SLC30A5: variants seen among roughly 807,000 people sequenced by gnomAD.
The protein encoded by SLC30A5 is solute carrier family 30 member 5, also known as proton-coupled zinc antiporter SLC30A5.
A neutral mutation model predicts 79.6 loss-of-function variants in SLC30A5; 33 were observed. The observed-to-expected ratio is 0.41, with a 90% CI of 0.31 to 0.55. The LOEUF is 0.55. Ranked by LOEUF, SLC30A5 falls within the 20% of genes least tolerant of loss-of-function variation. The pLI is 0.20. For synonymous variants in SLC30A5, 299 were observed against 319.7 expected (o/e 0.94, Z 0.69); for missense variants, 788 against 928.1 (o/e 0.85, Z 1.96).
In SLC30A5 at chr5:69,117,397, G is replaced by A. The variant is rs1746400819; in HGVS notation, c.1439+1G>A. On this transcript the variant is annotated splice_donor_variant, in intron 11 of 15. Coordinates refer to ENST00000396591, the MANE Select transcript of SLC30A5 (RefSeq NM_022902.5). LOFTEE classifies it high-confidence loss of function. ...AAGCCACTCGGATTTTCTCCTATGG[G>A]TAGGTACATTGACTGTCGAGGTGGT... 6.2e-7 allele frequency: 1 copy of A among 1,613,682 alleles called. No homozygotes were observed.
chr5:69,128,248 C>CCCT, intron 15 of SLC30A5, 116 bp downstream of exon 15: 1 of 463,266 alleles, frequency 2.2e-6, no homozygotes, highest in East Asian at 6.0e-5. Context: ...AATCTTCCAA[C>CCCT]TCTTTTTTTT....
At position 69,117,223 on chromosome 5, in the gene SLC30A5, T is replaced by C; in HGVS notation, c.1282-16T>C. On this transcript the variant is annotated splice_polypyrimidine_tract_variant and intron_variant, in intron 10 of 15. Transcript: ENST00000396591. ...GCCCAACATACTCCTCCCTTTTTTTTTGGTGACATTTTTAGCTTTTTACCT... is the reference window on the plus strand; with the variant it reads ...GCCCAACATACTCCTCCCTTTTTTTCTGGTGACATTTTTAGCTTTTTACCT... 3 of 1,607,374 alleles carry C rather than the reference T, an allele frequency of 1.9e-6. No individual in the cohort carries two copies. Among genetic ancestry groups the C allele is most frequent in the Non-Finnish European group, 2.6e-6 (3 of 1,175,306 alleles).
chr5:69,114,550 C>A, intron 7 of SLC30A5, 54 bp downstream of exon 7: 1 of 1,061,908 alleles, frequency 9.4e-7, no homozygotes, highest in Non-Finnish European at 1.5e-6. Context: ...GTTGTAGCAA[C>A]TATAACTATA....
intron 7 of SLC30A5, 29 bp from the exon 8 acceptor site, chr5:69,115,208 T>C: frequency 6.7e-7 from 1 of 1,502,062 alleles, no homozygotes; most frequent in South Asian, 1.1e-5. Flanking sequence ...TGTGTGTTTC[T>C]AATGAGACTT....
chr5:69,110,027 G>A (rs1192869686), intron 5 of SLC30A5, among the ~76,000 whole-genome samples: 1 of 152,178 alleles, frequency 6.6e-6, no homozygotes, highest in Non-Finnish European at 1.5e-5. Flanking sequence ...AAATAACATT[G>A]CTGACCCCCT....
chr5:69,116,454 C>T lies in SLC30A5; in HGVS notation c.1133C>T (p.Ser378Phe), dbSNP rs1746375833. Residue 378 changes from serine to phenylalanine, a missense_variant, in exon 10 of 16, where the codon TCT becomes TTT. This residue lies in a region of SLC30A5 where 626 missense variants were observed against 755.5 expected (regional missense o/e 0.83). Transcript: ENST00000396591. The surrounding 1 kb of genome is among the most constrained non-coding windows in gnomAD (Gnocchi z 4.0). ...RGQKGTLIGY[S>F]PEGTPLYNFM... is the part of the protein sequence containing the mutation. ...CAAAAAGGTACCCTTATTGGATATTCTCCTGAAGGAACACCTCTTTATAAC... is the reference window on the plus strand; with the variant it reads ...CAAAAAGGTACCCTTATTGGATATTTTCCTGAAGGAACACCTCTTTATAAC... 6.2e-7 allele frequency: 1 copy of T among 1,612,672 alleles called. No individual in the cohort carries two copies. Among genetic ancestry groups the T allele is most frequent in the Non-Finnish European group, 8.5e-7 (1 of 1,179,540 alleles).
intron 8 of SLC30A5, 132 bp from the exon 9 acceptor site, chr5:69,115,794 T>C: frequency 1.3e-6 from 1 of 787,022 alleles, no homozygotes; most frequent in Non-Finnish European, 2.0e-6. Flanking sequence ...CTTATAGCTT[T>C]TATATGTTGG....
chr5:69,117,296 T>G lies in SLC30A5; in HGVS notation c.1339T>G (p.Ser447Ala). 1 of 1,613,976 alleles carries G rather than the reference T, an allele frequency of 6.2e-7. No individual in the cohort carries two copies. The highest frequency in any genetic ancestry group is 8.5e-7 in the Non-Finnish European group (1 of 1,179,934). The change falls in exon 11 of 16, where the codon TCG (serine) becomes GCG (alanine). Residue 447 changes from serine to alanine, a missense_variant. Around this residue, in one of 3 missense-constraint regions of SLC30A5, gnomAD observed 626 missense variants for 755.5 expected, o/e 0.83. Coordinates refer to ENST00000396591, the MANE Select transcript of SLC30A5 (RefSeq NM_022902.5). Reference protein sequence around the residue: ...GVLTNSLGLISDGFHMLFDCS... With the variant: ...GVLTNSLGLIADGFHMLFDCS... ...GCTGACCAATAGTCTGGGCCTGATCTCGGATGGATTCCACATGCTTTTTGA... is the reference window on the plus strand; with the variant it reads ...GCTGACCAATAGTCTGGGCCTGATCGCGGATGGATTCCACATGCTTTTTGA...
intron 10 of SLC30A5, 85 bp from the exon 11 acceptor site, chr5:69,117,154 A>G (rs1746392665): frequency 2.8e-6 from 3 of 1,071,802 alleles, no homozygotes; most frequent in Admixed American, 2.2e-5. Flanking sequence ...ATCTTCAAGT[A>G]AATTTGGATA....
rs751141010 is a variant in SLC30A5, at chr5:69,121,671, GTTTT to G, written c.1570-18_1570-15del. 1 of 1,527,678 alleles carries G rather than the reference GTTTT, an allele frequency of 6.5e-7. No homozygotes were observed. Among genetic ancestry groups the G allele is most frequent in the East Asian group, 2.3e-5 (1 of 43,646 alleles). The allele number at this position is 1,527,678 out of a possible 1,614,324, so 94.6% of individuals were successfully genotyped here. ...CTATTTTTAAATTACTAATTTAAAG[GTTTT>G]TTTTCTCCCTTTTGCTAGCCAGTCT... On this transcript the variant is annotated intron_variant, in intron 12 of 15. Coordinates refer to ENST00000396591, the MANE Select transcript of SLC30A5 (RefSeq NM_022902.5).
chr5:69,112,984 A>G (rs1476050010), intron 5 of SLC30A5, 156 bp from the exon 6 acceptor site: 1 of 606,480 alleles, frequency 1.6e-6, no homozygotes, highest in East Asian at 2.8e-5. Context: ...AGCTTATAAT[A>G]TGTAAGAGCT....
At chr5:69,125,262 C>G (rs1746644392) in intron 14 of SLC30A5, among the ~76,000 whole-genome samples, 1 of 151,948 alleles carries the variant, frequency 6.6e-6, no homozygotes, top group African/African-American at 2.4e-5. Context: ...CACGGTGGCT[C>G]ACGCCTGTAA....
chr5:69,094,223 C>A lies in SLC30A5; in HGVS notation c.-33C>A. On this transcript the variant is annotated 5_prime_UTR_variant, in exon 1 of 16. Coordinates refer to ENST00000396591, the MANE Select transcript of SLC30A5 (RefSeq NM_022902.5). ...GGCGAGACATGAGGAGACCCCGCGA[C>A]AGGGGCAGCGGCGGCGGCTCGTGAG... 1 of 1,125,320 alleles carries A rather than the reference C, an allele frequency of 8.9e-7. No individual in the cohort carries two copies. The highest frequency in any genetic ancestry group is 1.1e-6 in the Non-Finnish European group (1 of 873,642). 69.7% of individuals were successfully genotyped at this position (1,125,320 alleles called of 1,614,324 possible). A position where few individuals can be genotyped will look rare whatever the true frequency, so the allele number is the denominator to read the frequency against.
At chr5:69,111,497 G>T (rs944372564) in intron 5 of SLC30A5, among the ~76,000 whole-genome samples, 9 of 150,790 alleles carry the variant, frequency 6.0e-5, no homozygotes, top group East Asian at 5.9e-4. Context: ...GTAGAGACAG[G>T]GTTTCACCAT....
chr5:69,094,277 G>A lies in SLC30A5; in HGVS notation c.22G>A (p.Asp8Asn), dbSNP rs2111910435. The change falls in exon 1 of 16, where the codon GAC (aspartate) becomes AAC (asparagine). Residue 8 changes from aspartate to asparagine, a missense_variant. Asp to Asn is a conservative substitution (Grantham distance 23). Transcript: ENST00000396591. Reference protein sequence around the residue: MEEKYGGDVLAGPGGGGG... With the variant: MEEKYGGNVLAGPGGGGG... ...CGGGATGGAGGAGAAATACGGCGGG[G>A]ACGTGCTGGCCGGCCCCGGCGGCGG... The A allele has an allele frequency of 1.6e-6, 2 of 1,261,878 alleles. No individual in the cohort carries two copies. Among genetic ancestry groups the A allele is most frequent in the East Asian group, 6.3e-5 (2 of 31,938 alleles). 78.2% of individuals were successfully genotyped at this position (1,261,878 alleles called of 1,614,324 possible). A position where few individuals can be genotyped will look rare whatever the true frequency, so the allele number is the denominator to read the frequency against.
At chr5:69,098,617 A>G (rs1435501082) in intron 1 of SLC30A5, among the ~76,000 whole-genome samples, 1 of 152,242 alleles carries the variant, frequency 6.6e-6, no homozygotes, top group Non-Finnish European at 1.5e-5. Flanking sequence ...CATTTAATAA[A>G]TACTCAAGTA....
Position 69,116,386 on chromosome 5 carries a change from C to G in SLC30A5, c.1073-8C>G, listed in dbSNP as rs963692785. ...AAATTTAAACAATATTGTTTTTTCTCTTTGTAGCTGCCAATATCTTATCAT... is the reference window on the plus strand; with the variant it reads ...AAATTTAAACAATATTGTTTTTTCTGTTTGTAGCTGCCAATATCTTATCAT... On this transcript the variant is annotated splice_region_variant and splice_polypyrimidine_tract_variant and intron_variant, in intron 9 of 15. Coordinates refer to ENST00000396591, the MANE Select transcript of SLC30A5 (RefSeq NM_022902.5). The surrounding 1 kb of genome is among the most constrained non-coding windows in gnomAD (Gnocchi z 4.0). The G allele has an allele frequency of 1.9e-6, 3 of 1,562,434 alleles. No homozygotes were observed. Among genetic ancestry groups the G allele is most frequent in the African/African-American group, 2.8e-5 (2 of 72,454 alleles).
chr5:69,111,752 A>G (rs1196911516), intron 5 of SLC30A5, among the ~76,000 whole-genome samples: 2 of 152,214 alleles, frequency 1.3e-5, no homozygotes, highest in Admixed American at 6.6e-5. Context: ...TTAAAAGTAC[A>G]TGGTTTTTCT....
At position 69,126,344 on chromosome 5, in the gene SLC30A5, G is replaced by T. The variant is rs1284288881; in HGVS notation, c.1999-1660G>T. Among the ~76,000 whole-genome samples, 3 of 152,074 alleles carry T rather than the reference G, an allele frequency of 2.0e-5. No homozygotes were observed. The South Asian group carries it at 6.2e-4, about 32-fold the overall frequency. On this transcript the variant is annotated intron_variant, in intron 14 of 15. Transcript: ENST00000396591. ...TGTTTTGTTTTTAAATAGAGCTGGG[G>T]TTTCTCAATGTTGCCCGGGCTGGTC...
Sources: allele counts gnomAD v4.1 joint callset (sites outside exome capture counted in the v4.1 genomes callset), GRCh38; gene constraint gnomAD v4.1.1; regional missense constraint gnomAD v4.1.1; non-coding constraint Gnocchi (gnomAD v3.1); transcripts MANE v1.5; gene names NCBI Gene and HGNC (gene_info 2026-07-23, HGNC 2026-07-21).